Variants in VPS54 observed in about 807,000 individuals in gnomAD.
VPS54 encodes the protein vacuolar protein sorting-associated protein 54.
A neutral mutation model predicts 121.5 loss-of-function variants in VPS54; 45 were observed. That is an observed-to-expected ratio of 0.37 (90% CI 0.29 to 0.47). The LOEUF is 0.47. VPS54 is among the 20% of genes least tolerant of loss of function. The pLI is 0.99. For missense variants in VPS54, 1,090 were observed against 1,131.4 expected (o/e 0.96, Z 0.52); for synonymous variants, 371 against 385.8 (o/e 0.96, Z 0.45).
chr2:64,002,414 T>C (rs1464132844), intron 1 of VPS54, among the ~76,000 whole-genome samples: 1 of 152,242 alleles, frequency 6.6e-6, no homozygotes, highest in African/African-American at 2.4e-5. Context: ...TAGTCCACCA[T>C]CTTGCTCTGT....
At position 63,913,217 on chromosome 2, in the gene VPS54, C is replaced by G; in HGVS notation, c.2422+6G>C. 1 of 1,607,646 alleles carries G rather than the reference C, an allele frequency of 6.2e-7. No individual in the cohort carries two copies. The highest frequency in any genetic ancestry group is 8.5e-7 in the Non-Finnish European group (1 of 1,177,312). On this transcript the variant is annotated splice_donor_region_variant and intron_variant, in intron 18 of 22. Transcript: ENST00000272322. ...CAGCAAGTGAATTAAACGCAAGAAT[C>G]CATACCCAAATTTTTTGTAGTTATC...
intron 11 of VPS54, among the ~76,000 whole-genome samples, chr2:63,936,947 T>A (rs1420074885): frequency 6.6e-6 from 1 of 152,078 alleles, no homozygotes; most frequent in Non-Finnish European, 1.5e-5. Context: ...AATATCCACA[T>A]GCTAAAGAAT....
intron 2 of VPS54, 94 bp from the exon 3 acceptor site, chr2:63,981,981 A>G: frequency 7.4e-7 from 1 of 1,346,658 alleles, no homozygotes; most frequent in Non-Finnish European, 9.8e-7. Context: ...CACAGATTCC[A>G]TCTTACGCAA....
At chr2:63,986,061 A>G (rs1400777860) in intron 1 of VPS54, among the ~76,000 whole-genome samples, 1 of 152,212 alleles carries the variant, frequency 6.6e-6, no homozygotes, top group Admixed American at 6.5e-5. Flanking sequence ...AAACAGCAAA[A>G]AACATTTTTG....
chr2:63,981,576 A>T, intron 3 of VPS54, 70 bp downstream of exon 3: 1 of 1,481,846 alleles, frequency 6.7e-7, no homozygotes, highest in Non-Finnish European at 9.0e-7. Context: ...TCAAAAATCT[A>T]TAATAAAGCA....
intron 3 of VPS54, among the ~76,000 whole-genome samples, chr2:63,972,933 G>GT (rs1293409017): frequency 2.0e-5 from 3 of 149,746 alleles, no homozygotes; most frequent in East Asian, 3.9e-4. Flanking sequence ...CACGTTCTGA[G>GT]TAAAAAAAAA....
intron 5 of VPS54, among the ~76,000 whole-genome samples, chr2:63,968,715 T>C (rs1468851110): frequency 1.3e-5 from 2 of 151,000 alleles, no homozygotes; most frequent in East Asian, 3.9e-4. Flanking sequence ...CAAGATTCTG[T>C]CTAAGTTAAG....
chr2:63,914,014 G>A lies in VPS54; in HGVS notation c.2334+168C>T, dbSNP rs1479353297. 26 of 1,112,148 alleles carry A rather than the reference G, an allele frequency of 2.3e-5. No individual in the cohort carries two copies. In the South Asian group the frequency reaches 4.4e-4, roughly 19 times the overall value. 68.9% of individuals were successfully genotyped at this position (1,112,148 alleles called of 1,614,324 possible). On this transcript the variant is annotated intron_variant, in intron 17 of 22. Coordinates refer to ENST00000272322, the MANE Select transcript of VPS54 (RefSeq NM_016516.3). ...CTAACTGTGGAGTAAGAAGGAAGCA[G>A]GCAGCCTGTTTCCAATAACATGTTG... is the stretch of plus-strand genomic sequence containing the variant.
At chr2:63,977,609 G>A (rs146310719) in intron 3 of VPS54, among the ~76,000 whole-genome samples, 1 of 152,204 alleles carries the variant, frequency 6.6e-6, no homozygotes, top group East Asian at 1.9e-4. Flanking sequence ...CTTGCATGTT[G>A]TCCATGTTTT....
intron 22 of VPS54, among the ~76,000 whole-genome samples, chr2:63,895,464 C>T (rs939434730): frequency 6.6e-6 from 1 of 152,042 alleles, no homozygotes; most frequent in Non-Finnish European, 1.5e-5. Context: ...AAAATAAAAT[C>T]AAAGTACAGG....
At chr2:63,963,358 T>C (rs1675854476) in intron 6 of VPS54, among the ~76,000 whole-genome samples, 2 of 152,116 alleles carry the variant, frequency 1.3e-5, no homozygotes, top group South Asian at 4.1e-4. Flanking sequence ...AAACTTGTTT[T>C]GCCTTTTCTT....
At chr2:63,995,455 G>A (rs754481626) in intron 1 of VPS54, among the ~76,000 whole-genome samples, 6 of 152,198 alleles carry the variant, frequency 3.9e-5, no homozygotes, top group South Asian at 2.1e-4. Context: ...GTGTTACAGC[G>A]AATTCTTTAA....
intron 11 of VPS54, among the ~76,000 whole-genome samples, chr2:63,940,448 T>C (rs1674666082): frequency 7.2e-5 from 11 of 152,194 alleles, no homozygotes; most frequent in Admixed American, 7.2e-4. Context: ...ATAATAACTC[T>C]ACTTAGTTTA....
chr2:63,908,100 C>T (rs1032639295), intron 20 of VPS54, among the ~76,000 whole-genome samples: 3 of 152,140 alleles, frequency 2.0e-5, no homozygotes, highest in Non-Finnish European at 4.4e-5. Flanking sequence ...CACATACCTA[C>T]ACAAAGACTG....
chr2:64,018,732 A>T (rs1678830277), intron 1 of VPS54, among the ~76,000 whole-genome samples: 1 of 114,334 alleles, frequency 8.7e-6, no homozygotes, highest in South Asian at 3.0e-4. Context: ...CCGATCCCGG[A>T]GGGAGAGTGA....
chr2:63,959,201 GA>G (rs1296549613), intron 7 of VPS54, among the ~76,000 whole-genome samples: 26 of 152,094 alleles, frequency 1.7e-4, no homozygotes, highest in Non-Finnish European at 2.9e-5. Context: ...TTAGCAAAAG[GA>G]AAGATAAAGT....
intron 1 of VPS54, among the ~76,000 whole-genome samples, chr2:64,012,192 C>T (rs1187336867): frequency 6.6e-6 from 1 of 152,078 alleles, no homozygotes; most frequent in Non-Finnish European, 1.5e-5. Context: ...TGCATCTCTC[C>T]TCCCTCATCC....
intron 1 of VPS54, among the ~76,000 whole-genome samples, chr2:64,006,222 T>C (rs2104690366): frequency 6.6e-6 from 1 of 152,328 alleles, no homozygotes; most frequent in Non-Finnish European, 1.5e-5. Flanking sequence ...AATGAATGAA[T>C]ATCACAGAAA....
chr2:63,937,809 T>C (rs925765133), intron 11 of VPS54, among the ~76,000 whole-genome samples: 1 of 152,204 alleles, frequency 6.6e-6, no homozygotes, highest in Admixed American at 6.5e-5. Context: ...ATATTATTCA[T>C]ATTACTCAGC....
Sources: allele counts gnomAD v4.1 joint callset (sites outside exome capture counted in the v4.1 genomes callset), GRCh38; gene constraint gnomAD v4.1.1; transcripts MANE v1.5; gene names NCBI Gene and HGNC (gene_info 2026-07-23, HGNC 2026-07-21).